UBR4: variants seen among roughly 807,000 people sequenced by gnomAD.
UBR4 encodes the protein E3 ubiquitin-protein ligase UBR4.
Under a neutral mutation model 575.6 loss-of-function variants are expected in UBR4, and 124 were observed. That is an observed-to-expected ratio of 0.22 (90% CI 0.19 to 0.25). The LOEUF (loss-of-function observed/expected upper bound fraction) is 0.25. UBR4 is among the 10% of genes least tolerant of loss of function. The pLI, the probability that UBR4 is intolerant of heterozygous loss-of-function variation, is 1.00. For missense variants in UBR4, 4,818 were observed against 6,478.8 expected, an observed-to-expected ratio of 0.74 and a Z score of 8.80; for synonymous variants, 2,455 against 2,473.7, an observed-to-expected ratio of 0.99 and a Z score of 0.22.
rs1213401095 is a variant in UBR4 at position 19,150,767 on chromosome 1, C to T, written c.7240G>A (p.Val2414Ile). 1.9e-6 allele frequency: 3 copies of T among 1,613,878 alleles called. No homozygotes were observed. Among genetic ancestry groups the T allele is most frequent in the African/African-American group, 1.3e-5 (1 of 74,858 alleles). Reference sequence around the variant, plus strand: ...ATTTTTACAGCATCTATCATGGTGACACCTGCTGGATCCACCGAGGCCCCA... The same window carrying T: ...ATTTTTACAGCATCTATCATGGTGATACCTGCTGGATCCACCGAGGCCCCA... ...FIGASVDPAG[V>I]TMIDAVKIYG... The change falls in exon 49 of 106, where the codon GTC becomes ATC. Residue 2414 changes from valine (V) to isoleucine (I), a missense_variant. By Grantham distance (29) the Val-to-Ile change is conservative. Around this residue, in one of 29 missense-constraint regions of UBR4, gnomAD observed 340 missense variants for 375.4 expected, o/e 0.91. Coordinates refer to ENST00000375254, the MANE Select transcript of UBR4 (RefSeq NM_020765.3).
In UBR4 at chr1:19,180,923, T is replaced by C. The variant is rs191018564; in HGVS notation, c.2185-1703A>G. 4.0e-3 allele frequency among the ~76,000 whole-genome samples: 604 copies of C among 152,256 alleles called. 4 individuals are homozygous for C. Among genetic ancestry groups the C allele is most frequent in the African/African-American group, 0.013 (537 of 41,558 alleles). Reference sequence around the variant, plus strand: ...AGTCCTCCCTTCCTCCACTCCTCTTTCATACTGGCATTTCTAAGGGTTCAG... The same window carrying C: ...AGTCCTCCCTTCCTCCACTCCTCTTCCATACTGGCATTTCTAAGGGTTCAG... On this transcript the variant is annotated intron_variant, in intron 17 of 105. Coordinates refer to ENST00000375254, the MANE Select transcript of UBR4 (RefSeq NM_020765.3).
intron 29 of UBR4, among the ~76,000 whole-genome samples, chr1:19,166,122 A>C (rs942629822): frequency 6.6e-6 from 1 of 152,256 alleles, no homozygotes; most frequent in Admixed American, 6.5e-5. Flanking sequence ...AGAAAAGAGG[A>C]GACAGGGAAT....
rs761304360 is a variant in UBR4, at chr1:19,153,826, A to G, written c.6572T>C (p.Met2191Thr). The change falls in exon 45 of 106, where the codon ATG becomes ACG. Residue 2191 changes from methionine (M) to threonine (T), a missense_variant. Met to Thr is a moderately conservative substitution (Grantham distance 81). This residue lies in a region of UBR4 where 461 missense variants were observed against 606.9 expected (regional missense o/e 0.76). Coordinates refer to ENST00000375254, the MANE Select transcript of UBR4 (RefSeq NM_020765.3). The surrounding 1 kb of genome is among the most constrained non-coding windows in gnomAD (Gnocchi z 4.1). ...GATAAGAAAAGTGTCTGGTTTCACC[A>G]TAACTACCAGCGGCACCCCTGTAGT... ...QQTTGVPLVV[M>T]VKPDTFLIQE... The G allele has an allele frequency of 1.2e-6, 2 of 1,614,224 alleles. No individual in the cohort carries two copies. Among genetic ancestry groups the G allele is most frequent in the South Asian group, 1.1e-5 (1 of 91,090 alleles).
chr1:19,090,579 A>G (rs376565072), intron 97 of UBR4, among the ~76,000 whole-genome samples: 5 of 152,198 alleles, frequency 3.3e-5, no homozygotes, highest in Non-Finnish European at 5.9e-5. Context: ...TCCACACTGC[A>G]TCTATCTCGC....
chr1:19,084,390 C>T (rs1051332083), intron 102 of UBR4, 114 bp downstream of exon 102: 21 of 1,157,010 alleles, frequency 1.8e-5, no homozygotes, highest in Non-Finnish European at 2.5e-5. Context: ...TGCCTTAGGC[C>T]AGACGCTTGC....
chr1:19,183,089 C>T (rs918851974), intron 17 of UBR4, among the ~76,000 whole-genome samples: 1 of 152,158 alleles, frequency 6.6e-6, no homozygotes, highest in East Asian at 1.9e-4. Context: ...GAGCATCTAT[C>T]TCCTATAATT....
chr1:19,104,520 G>A, intron 86 of UBR4, 65 bp downstream of exon 86: 1 of 1,551,672 alleles, frequency 6.4e-7, no homozygotes, highest in East Asian at 2.3e-5. Context: ...CAGCACCCAA[G>A]GAACTAAGGG....
At chr1:19,105,680 A>G (rs1224373569) in intron 84 of UBR4, 53 bp downstream of exon 84, 10 of 1,359,402 alleles carry the variant, frequency 7.4e-6, no homozygotes, top group Non-Finnish European at 9.9e-6. Context: ...GGGAAGATGA[A>G]AAGGCTCTAG....
At chr1:19,141,615 C>T in intron 56 of UBR4, 32 bp downstream of exon 56, 2 of 1,610,818 alleles carry the variant, frequency 1.2e-6, no homozygotes, top group Non-Finnish European at 1.7e-6. Flanking sequence ...TGTGAAGCTC[C>T]TCCTCCCCTT....
chr1:19,158,058 C>A, intron 39 of UBR4, 61 bp from the exon 40 acceptor site: 1 of 1,552,468 alleles, frequency 6.4e-7, no homozygotes, highest in South Asian at 1.2e-5. Context: ...CAAGTGGATT[C>A]ACGCACTATT....
At chr1:19,131,889 A>G (rs758734031) in intron 60 of UBR4, among the ~76,000 whole-genome samples, 8 of 152,186 alleles carry the variant, frequency 5.3e-5, no homozygotes, top group Non-Finnish European at 1.0e-4. Context: ...ACAAACAAAC[A>G]AAAAAATCTA....
At chr1:19,159,436 G>A (rs548491395) in intron 39 of UBR4, among the ~76,000 whole-genome samples, 1 of 152,158 alleles carries the variant, frequency 6.6e-6, no homozygotes, top group African/African-American at 2.4e-5. Context: ...GAACTTTAGA[G>A]AAGATACAAT....
intron 28 of UBR4, among the ~76,000 whole-genome samples, chr1:19,167,566 C>T (rs1009136508): frequency 2.0e-5 from 3 of 152,312 alleles, no homozygotes; most frequent in South Asian, 2.1e-4. Flanking sequence ...GACAAGCCTT[C>T]TAGAAGAACT....
In UBR4 at chr1:19,210,188, T is replaced by A; in HGVS notation, c.61A>T (p.Thr21Ser). ...AAAPAPGTPA[T>S]GADTTPGWEV... ...CAGCCCGGGGTCGTGTCCGCCCCCGTTGCCGGGGTCCCCGGCGCCGGAGCC... is the reference window on the plus strand; with the variant it reads ...CAGCCCGGGGTCGTGTCCGCCCCCGATGCCGGGGTCCCCGGCGCCGGAGCC... The change falls in exon 1 of 106, where the codon ACG becomes TCG. Residue 21 changes from threonine (T) to serine (S), a missense_variant. By Grantham distance (58) the Thr-to-Ser change is moderately conservative. Transcript: ENST00000375254. The A allele has an allele frequency of 2.0e-6, 3 of 1,491,476 alleles. No individual in the cohort carries two copies. In the South Asian group the frequency reaches 3.9e-5, roughly 19 times the overall value. 92.4% of individuals were successfully genotyped at this position (1,491,476 alleles called of 1,614,324 possible).
At position 19,117,707 on chromosome 1, in the gene UBR4, T is replaced by C. The variant is rs2080704527; in HGVS notation, c.10629+116A>G. On this transcript the variant is annotated intron_variant, in intron 72 of 105. Coordinates refer to ENST00000375254, the MANE Select transcript of UBR4 (RefSeq NM_020765.3). This position sits in a 1 kb window ranked among gnomAD's most constrained non-coding sequence, Gnocchi z 4.0. ...AAATGTGGCAGATAAAAATTCCTAC[T>C]ATCGGTGACCAACCATTAGGAGAGG... 5.5e-6 allele frequency: 6 copies of C among 1,081,632 alleles called. No individual in the cohort carries two copies. The highest frequency in any genetic ancestry group is 1.6e-5 in the African/African-American group (1 of 63,248). The allele number at this position is 1,081,632 out of a possible 1,614,324, so 67.0% of individuals were successfully genotyped here. A position where few individuals can be genotyped will look rare whatever the true frequency, so the allele number is the denominator to read the frequency against.
intron 60 of UBR4, among the ~76,000 whole-genome samples, chr1:19,132,537 G>GAT: frequency 7.3e-6 from 1 of 136,330 alleles, no homozygotes; most frequent in Non-Finnish European, 1.5e-5. Flanking sequence ...ATTTAGGTTT[G>GAT]TATCTCATGA....
intron 65 of UBR4, 89 bp from the exon 66 acceptor site, chr1:19,123,149 T>A (rs932614620): frequency 2.1e-6 from 3 of 1,406,784 alleles, no homozygotes; most frequent in Non-Finnish European, 2.0e-6. Flanking sequence ...TTTAATAAAC[T>A]GTTATTAAAA....
At chr1:19,141,003 T>A in intron 57 of UBR4, 111 bp from the exon 58 acceptor site, 2 of 1,179,080 alleles carry the variant, frequency 1.7e-6, no homozygotes, top group Non-Finnish European at 1.2e-6. Context: ...TGTGACCCCC[T>A]CTGGCCTAGA....
rs2087560347 is a variant in UBR4 at position 19,162,595 on chromosome 1, T to C, written c.4781A>G (p.Glu1594Gly). The C allele has an allele frequency of 5.6e-6, 9 of 1,613,126 alleles. No homozygotes were observed. Among genetic ancestry groups the C allele is most frequent in the African/African-American group, 2.7e-5 (2 of 74,982 alleles). Residue 1594 changes from glutamate to glycine, a missense_variant, in exon 35 of 106, where the codon GAG (glutamate) becomes GGG (glycine). Around this residue, in one of 29 missense-constraint regions of UBR4, gnomAD observed 1,172 missense variants for 1,259.7 expected, o/e 0.93. Coordinates refer to ENST00000375254, the MANE Select transcript of UBR4 (RefSeq NM_020765.3). ...VMHGKHVMIL[E>G]CTCHIMSYLA... ...GTAAGACATGATATGGCATGTGCAC[T>C]CCAAGATCATCACATGCTGTAAGAG... is the stretch of plus-strand genomic sequence containing the variant.
Sources: gnomAD v4.1 joint callset for allele counts (sites outside exome capture counted in the v4.1 genomes callset) on GRCh38, gnomAD v4.1.1 for gene constraint, gnomAD v4.1.1 regional missense constraint, Gnocchi (gnomAD v3.1) non-coding constraint, MANE v1.5 for transcripts, NCBI Gene and HGNC (gene_info 2026-07-23, HGNC 2026-07-21) for gene names.